Variants in IFNG-AS1 observed in about 807,000 individuals in gnomAD.
The protein encoded by IFNG-AS1 is IFNG antisense RNA 1 (non-protein coding).
intron 3 of IFNG-AS1, among the ~76,000 whole-genome samples, chr12:68,012,821 C>T (rs1001088663): frequency 2.6e-5 from 4 of 152,140 alleles, no homozygotes; most frequent in Non-Finnish European, 5.9e-5. Flanking sequence ...GATGAGGAGG[C>T]CTTTGCTATC....
At position 68,007,938 on chromosome 12, in the gene IFNG-AS1, T is replaced by C. The variant is rs182829371; in HGVS notation, n.241+1792T>C. Among the ~76,000 whole-genome samples the C allele has an allele frequency of 2.4e-3, 368 of 152,308 alleles. 3 individuals carry two copies. Among genetic ancestry groups the C allele is most frequent in the African/African-American group, 8.4e-3 (347 of 41,550 alleles). ...TCTTAAATAAATAAGTGAAGCTTCT[T>C]CTGAAGCAATATAAATTGTTGAGCT... On this transcript the variant is annotated intron_variant and non_coding_transcript_variant, in intron 3 of 5. Transcript: ENST00000536914.
chr12:68,003,533 T>A (rs537071732), intron 2 of IFNG-AS1, among the ~76,000 whole-genome samples: 1 of 151,110 alleles, frequency 6.6e-6, no homozygotes, highest in South Asian at 2.1e-4. Context: ...CCCTCAAGGG[T>A]CCCTCATCAC....
At chr12:68,019,742 C>A (rs899135215) in intron 3 of IFNG-AS1, 1 of 152,172 alleles carries the variant, frequency 6.6e-6, no homozygotes, top group Non-Finnish European at 1.5e-5. Flanking sequence ...TGTGGGTGGA[C>A]TGAACAAATT....
At chr12:68,020,482 C>A (rs1053070333) in intron 4 of IFNG-AS1, 2 of 152,076 alleles carry the variant, frequency 1.3e-5, no homozygotes, top group African/African-American at 4.8e-5. Flanking sequence ...GAGAGAGGGC[C>A]AAAAGTTCTT....
chr12:67,994,675 C>T (rs905884192), intron 1 of IFNG-AS1, among the ~76,000 whole-genome samples: 7 of 152,150 alleles, frequency 4.6e-5, no homozygotes, highest in African/African-American at 1.7e-4. Flanking sequence ...GACACTCCTC[C>T]AAAAAGAACA....
intron 1 of IFNG-AS1, among the ~76,000 whole-genome samples, chr12:67,990,492 A>G (rs974311359): frequency 6.6e-6 from 1 of 152,224 alleles, no homozygotes; most frequent in African/African-American, 2.4e-5. Context: ...TTTTGCTTGT[A>G]GTAACAAAAA....
At position 68,007,706 on chromosome 12, in the gene IFNG-AS1, C is replaced by G. The variant is rs539179107; in HGVS notation, n.241+1560C>G. On this transcript the variant is annotated intron_variant and non_coding_transcript_variant, in intron 3 of 5. Transcript: ENST00000536914. ...GTTATTTTCAAGGAATTGCACAATGCAAAACCTCTATATTTACACAATAAA... is the reference window on the plus strand; with the variant it reads ...GTTATTTTCAAGGAATTGCACAATGGAAAACCTCTATATTTACACAATAAA... 3.9e-4 allele frequency among the ~76,000 whole-genome samples: 60 copies of G among 152,204 alleles called. 1 individual carries two copies. Among genetic ancestry groups the G allele is most frequent in the Non-Finnish European group, 5.6e-4 (38 of 68,008 alleles).
chr12:68,011,883 C>A (rs922928287), intron 3 of IFNG-AS1, among the ~76,000 whole-genome samples: 2 of 152,204 alleles, frequency 1.3e-5, no homozygotes, highest in Non-Finnish European at 2.9e-5. Context: ...AATAGAGAAG[C>A]TTCTCCAGCA....
intron 3 of IFNG-AS1, among the ~76,000 whole-genome samples, chr12:68,018,734 G>C (rs887567989): frequency 1.3e-4 from 19 of 151,694 alleles, no homozygotes; most frequent in Non-Finnish European, 2.2e-4. Context: ...GCTCAGGCTT[G>C]TTTGAGTCCT....
At chr12:68,001,557 A>G in intron 2 of IFNG-AS1, 1 of 195,924 alleles carries the variant, frequency 5.1e-6, no homozygotes, top group Middle Eastern at 2.4e-3. Flanking sequence ...ATAGTGAGGA[A>G]TGGAGTCAAC....
At chr12:67,994,014 A>G (rs1405269370) in intron 1 of IFNG-AS1, among the ~76,000 whole-genome samples, 1 of 152,200 alleles carries the variant, frequency 6.6e-6, no homozygotes, top group Non-Finnish European at 1.5e-5. Context: ...CTTAAGGTTG[A>G]TGGTTAGTAC....
At chr12:68,006,679 G>A (rs1410580845) in intron 3 of IFNG-AS1, among the ~76,000 whole-genome samples, 1 of 152,180 alleles carries the variant, frequency 6.6e-6, no homozygotes, top group African/African-American at 2.4e-5. Flanking sequence ...TTAATTAGCT[G>A]GAAGCCTTTT....
intron 4 of IFNG-AS1, chr12:68,020,762 T>A (rs1880267967): frequency 6.6e-6 from 1 of 152,132 alleles, no homozygotes; most frequent in Admixed American, 6.5e-5. Flanking sequence ...GATAGTGTTG[T>A]GGAAAACTCA....
At chr12:67,992,591 A>C (rs1015478005) in intron 1 of IFNG-AS1, among the ~76,000 whole-genome samples, 13 of 152,202 alleles carry the variant, frequency 8.5e-5, no homozygotes, top group Non-Finnish European at 1.6e-4. Flanking sequence ...TGATAGGTAT[A>C]CTATTTTAAT....
At chr12:68,002,443 AC>A in intron 2 of IFNG-AS1, among the ~76,000 whole-genome samples, 1 of 151,920 alleles carries the variant, frequency 6.6e-6, no homozygotes, top group South Asian at 2.1e-4. Flanking sequence ...CTCAACTCCC[AC>A]CTTTTACATT....
At chr12:68,009,229 T>C (rs1879971408) in intron 3 of IFNG-AS1, among the ~76,000 whole-genome samples, 1 of 152,344 alleles carries the variant, frequency 6.6e-6, no homozygotes, top group South Asian at 2.1e-4. Flanking sequence ...TTACTTAAAC[T>C]GTATTGTCTA....
At chr12:68,016,943 G>A (rs1880169594) in intron 3 of IFNG-AS1, among the ~76,000 whole-genome samples, 1 of 152,154 alleles carries the variant, frequency 6.6e-6, no homozygotes, top group African/African-American at 2.4e-5. Flanking sequence ...CTATCCTCAT[G>A]GAACTTTCAA....
At chr12:67,992,755 CT>C (rs1167058594) in intron 1 of IFNG-AS1, among the ~76,000 whole-genome samples, 4 of 152,142 alleles carry the variant, frequency 2.6e-5, no homozygotes, top group Admixed American at 6.5e-5. Context: ...AAATTAGACA[CT>C]GTTTTTCTTT....
chr12:67,992,012 AT>A (rs1180111596), intron 1 of IFNG-AS1, among the ~76,000 whole-genome samples: 2 of 152,168 alleles, frequency 1.3e-5, no homozygotes, highest in African/African-American at 4.8e-5. Context: ...GTTGACTCTA[AT>A]TATGTACTAC....
Sources: allele counts gnomAD v4.1 joint callset (sites outside exome capture counted in the v4.1 genomes callset), GRCh38; gene constraint gnomAD v4.1.1; transcripts MANE v1.5; gene names NCBI Gene and HGNC (gene_info 2026-07-23, HGNC 2026-07-21).